Variants in ESRRG observed in about 807,000 individuals in gnomAD.
The protein encoded by ESRRG is estrogen related receptor gamma.
ESRRG carries 13 observed loss-of-function variants against 44.0 expected under a neutral mutation model. The ratio of observed to expected loss-of-function variants is 0.30; its 90% CI spans 0.19 to 0.47. ESRRG has a LOEUF of 0.47. Ranked by LOEUF, ESRRG falls within the 20% of genes least tolerant of loss-of-function variation. The pLI, the probability that ESRRG is intolerant of heterozygous loss-of-function variation, is 1.00. For synonymous variants in ESRRG, 215 were observed against 214.6 expected, an observed-to-expected ratio of 1.00 and a Z score of -0.02; for missense variants, 395 against 580.6, an observed-to-expected ratio of 0.68 and a Z score of 3.29.
chr1:216,599,553 A>G (rs999993844), intron 3 of ESRRG, among the ~76,000 whole-genome samples: 1 of 152,216 alleles, frequency 6.6e-6, no homozygotes, highest in Non-Finnish European at 1.5e-5. Flanking sequence ...TCTTACAAAG[A>G]GCCCACTTAA....
chr1:216,556,137 G>C (rs923112402), intron 5 of ESRRG, among the ~76,000 whole-genome samples: 1 of 151,898 alleles, frequency 6.6e-6, no homozygotes, highest in Non-Finnish European at 1.5e-5. Flanking sequence ...ACAAAACCAC[G>C]AGGCTTTCTC....
chr1:217,074,586 C>A (rs190957106), intron 1 of ESRRG, among the ~76,000 whole-genome samples: 19 of 152,000 alleles, frequency 1.3e-4, no homozygotes, highest in African/African-American at 4.1e-4. Context: ...GCCTGTAATC[C>A]TAGCACTTTG....
At chr1:217,113,103 T>A (rs1439085520) in intron 1 of ESRRG, among the ~76,000 whole-genome samples, 2 of 152,080 alleles carry the variant, frequency 1.3e-5, no homozygotes, top group Non-Finnish European at 2.9e-5. Flanking sequence ...AAATACAAAA[T>A]GAAAAGAGGG....
chr1:216,845,719 T>A lies in ESRRG; in HGVS notation c.-14+93863A>T, dbSNP rs2095735178. On this transcript the variant is annotated intron_variant, in intron 2 of 7. Transcript: ENST00000359162. ...CTCTGGAACTTTCTAACTCATCCTA[T>A]CCTTGTCTTTCTTCCAAAACATCCA... Among the ~76,000 whole-genome samples, 5 of 152,116 alleles carry A rather than the reference T, an allele frequency of 3.3e-5. No individual in the cohort carries two copies. In the South Asian group the frequency reaches 1.0e-3, roughly 31 times the overall value.
intron 2 of ESRRG, among the ~76,000 whole-genome samples, chr1:216,926,476 C>T (rs886533998): frequency 1.3e-5 from 2 of 151,606 alleles, no homozygotes; most frequent in South Asian, 4.2e-4. Flanking sequence ...AAATGTGAAT[C>T]CATGGAGTCC....
chr1:216,638,380 G>A (rs1306263107), intron 3 of ESRRG, among the ~76,000 whole-genome samples: 1 of 151,624 alleles, frequency 6.6e-6, no homozygotes, highest in African/African-American at 2.4e-5. Context: ...GTCTATCTCT[G>A]CACTATCCAA....
chr1:216,876,924 A>G (rs958134411), intron 2 of ESRRG, among the ~76,000 whole-genome samples: 2 of 151,902 alleles, frequency 1.3e-5, no homozygotes, highest in Non-Finnish European at 2.9e-5. Flanking sequence ...GTACTTTTCA[A>G]ACTTTCCCAA....
At chr1:216,940,415 G>A (rs151213207) in intron 1 of ESRRG, among the ~76,000 whole-genome samples, 1 of 152,294 alleles carries the variant, frequency 6.6e-6, no homozygotes, top group East Asian at 1.9e-4. Context: ...ACTGTTCAGA[G>A]CAACAAAGCA....
intron 5 of ESRRG, among the ~76,000 whole-genome samples, chr1:216,532,912 T>A (rs2049821841): frequency 6.6e-6 from 1 of 152,150 alleles, no homozygotes; most frequent in Non-Finnish European, 1.5e-5. Flanking sequence ...TTTTTCATAT[T>A]CTCTCATTTA....
At chr1:216,507,471 T>G (rs11572830) in intron 6 of ESRRG, among the ~76,000 whole-genome samples, 194 of 152,310 alleles carry the variant, frequency 1.3e-3, no homozygotes, top group African/African-American at 4.5e-3. Context: ...TTTAACAGAT[T>G]ACAGTCTTGA....
upstream of ESRRG, among the ~76,000 whole-genome samples, chr1:216,726,193 T>G (rs773246049): frequency 1.3e-5 from 2 of 152,222 alleles, no homozygotes; most frequent in Non-Finnish European, 2.9e-5. Context: ...CTGAACTCGC[T>G]GCTTTCTGAG....
intron 2 of ESRRG, among the ~76,000 whole-genome samples, chr1:216,841,368 A>G (rs1478334969): frequency 6.6e-6 from 1 of 152,028 alleles, no homozygotes; most frequent in Non-Finnish European, 1.5e-5. Flanking sequence ...CAAACATCTA[A>G]CTTTTAACAC....
chr1:216,682,022 A>C (rs184314379), intron 1 of ESRRG: 6 of 152,298 alleles, frequency 3.9e-5, no homozygotes, highest in Admixed American at 2.0e-4. Context: ...TGTATTTGTT[A>C]AACTCTGGAA....
chr1:217,003,310 A>G (rs2077287458), intron 1 of ESRRG, among the ~76,000 whole-genome samples: 1 of 152,116 alleles, frequency 6.6e-6, no homozygotes, highest in African/African-American at 2.4e-5. Context: ...TAAACTAATC[A>G]AGTCTCAGTT....
intron 2 of ESRRG, among the ~76,000 whole-genome samples, chr1:216,762,941 T>C (rs575359894): frequency 2.6e-5 from 4 of 152,212 alleles, no homozygotes; most frequent in African/African-American, 9.6e-5. Context: ...TGATAGCCTA[T>C]GAAGCAAGCA....
chr1:216,814,923 A>T (rs956525406), intron 2 of ESRRG, among the ~76,000 whole-genome samples: 1 of 152,236 alleles, frequency 6.6e-6, no homozygotes, highest in African/African-American at 2.4e-5. Context: ...TTTATTTCAA[A>T]GATGTTCAGC....
At chr1:216,688,909 G>A (rs1314327677) in intron 1 of ESRRG, among the ~76,000 whole-genome samples, 1 of 151,812 alleles carries the variant, frequency 6.6e-6, no homozygotes, top group African/African-American at 2.4e-5. Context: ...AAGGGTTGGT[G>A]GAAAAACCTA....
chr1:216,616,535 T>C (rs2061448425), intron 3 of ESRRG, among the ~76,000 whole-genome samples: 1 of 152,250 alleles, frequency 6.6e-6, no homozygotes, highest in South Asian at 2.1e-4. Flanking sequence ...TGTGTTGATC[T>C]GTACCTACTG....
intron 2 of ESRRG, among the ~76,000 whole-genome samples, chr1:216,655,128 T>C (rs1407830687): frequency 6.6e-6 from 1 of 152,184 alleles, no homozygotes; most frequent in East Asian, 1.9e-4. Context: ...AGGAGAAATG[T>C]AAAAGCAGGG....
Sources: allele counts gnomAD v4.1 joint callset (sites outside exome capture counted in the v4.1 genomes callset), GRCh38; gene constraint gnomAD v4.1.1; transcripts MANE v1.5; gene names NCBI Gene and HGNC (gene_info 2026-07-23, HGNC 2026-07-21).